Variants in DYRK1A observed in about 807,000 individuals in gnomAD.
The protein encoded by DYRK1A is dual specificity tyrosine-phosphorylation-regulated kinase 1A.
Under a neutral mutation model 79.7 loss-of-function variants are expected in DYRK1A, and 9 were observed. The observed-to-expected ratio is 0.11, with a 90% CI of 0.07 to 0.20. The LOEUF is 0.20. Among genes scored for constraint, DYRK1A ranks in the 10% least tolerant of loss-of-function variants. DYRK1A has a pLI of 1.00. For synonymous variants in DYRK1A, 349 were observed against 329.7 expected, an observed-to-expected ratio of 1.06 and a Z score of -0.63; for missense variants, 622 against 956.0, an observed-to-expected ratio of 0.65 and a Z score of 4.61.
chr21:37,387,518 G>A (rs1443875803), intron 1 of DYRK1A, among the ~76,000 whole-genome samples: 2 of 152,030 alleles, frequency 1.3e-5, no homozygotes, highest in African/African-American at 4.8e-5. Context: ...AAAAATATCC[G>A]ACAGTTGTTT....
At chr21:37,406,694 T>C (rs1171065275) in intron 1 of DYRK1A, among the ~76,000 whole-genome samples, 2 of 151,518 alleles carry the variant, frequency 1.3e-5, no homozygotes, top group Non-Finnish European at 2.9e-5. Flanking sequence ...AGAGTGAGAC[T>C]CTTGTCTCCA....
At chr21:37,504,038 T>C (rs1383256872) in intron 9 of DYRK1A, 1 of 152,226 alleles carries the variant, frequency 6.6e-6, no homozygotes, top group Non-Finnish European at 1.5e-5. Context: ...GAAAGAGGCC[T>C]CTCAACTCTG....
chr21:37,381,505 T>C (rs748734721), intron 1 of DYRK1A, among the ~76,000 whole-genome samples: 3 of 152,166 alleles, frequency 2.0e-5, no homozygotes, highest in Non-Finnish European at 2.9e-5. Context: ...GGAGCAGGTG[T>C]AAGTTGTGGA....
Position 37,479,612 on chromosome 21 carries a change from GT to G in DYRK1A, c.301-1020del, listed in dbSNP as rs367673016. ...GTGTTTTGTTTTTGTTTTTGTTTTT[GT>G]TTTTTGTTTTTTTTTTTTTTTTTGG... On this transcript the variant is annotated intron_variant, in intron 4 of 11. Coordinates refer to ENST00000647188, the MANE Select transcript of DYRK1A (RefSeq NM_001347721.2). Among the ~76,000 whole-genome samples, 358 of 47,154 alleles carry G rather than the reference GT, an allele frequency of 7.6e-3. 18 individuals carry two copies. The highest frequency in any genetic ancestry group is 0.024 in the African/African-American group (277 of 11,708). 30.9% of individuals were successfully genotyped at this position (47,154 alleles called of 152,430 possible).
At chr21:37,464,455 C>T (rs2051957148) in intron 2 of DYRK1A, among the ~76,000 whole-genome samples, 1 of 152,106 alleles carries the variant, frequency 6.6e-6, no homozygotes, top group Non-Finnish European at 1.5e-5. Flanking sequence ...TTCAGAAGCA[C>T]GTAAAGACAG....
At chr21:37,374,873 C>T (rs906649206) in intron 1 of DYRK1A, among the ~76,000 whole-genome samples, 1 of 152,204 alleles carries the variant, frequency 6.6e-6, no homozygotes, top group African/African-American at 2.4e-5. Context: ...TTCTTAAGGA[C>T]TCCAGGTAAT....
At chr21:37,510,038 A>C (rs112996123) in intron 11 of DYRK1A, among the ~76,000 whole-genome samples, 2 of 152,334 alleles carry the variant, frequency 1.3e-5, no homozygotes, top group African/African-American at 4.8e-5. Flanking sequence ...ATCAAAAAAC[A>C]TAGTATATAG....
intron 1 of DYRK1A, among the ~76,000 whole-genome samples, chr21:37,400,772 G>C (rs1450764667): frequency 6.6e-6 from 1 of 152,182 alleles, no homozygotes; most frequent in East Asian, 1.9e-4. Flanking sequence ...TTTATTGACT[G>C]AGAAAGTGCA....
rs1276067629 is a variant in DYRK1A, at chr21:37,522,129, G to A, written c.*9598G>A. 2 of 152,142 alleles carry A rather than the reference G, an allele frequency of 1.3e-5. No individual in the cohort carries two copies. The highest frequency in any genetic ancestry group is 2.9e-5 in the Non-Finnish European group (2 of 68,034). The allele number at this position is 152,142 out of a possible 1,614,324, so 9.4% of individuals were successfully genotyped here. A position where few individuals can be genotyped will look rare whatever the true frequency, so the allele number is the denominator to read the frequency against. On this transcript the variant is annotated 3_prime_UTR_variant, in exon 12 of 12. Transcript: ENST00000647188. ...TTGCAGCTTCCTCAGCCCTAGGATG[G>A]TTTTTAGATCTATCAAGGGATAGAA...
At chr21:37,374,946 G>A (rs1290087054) in intron 1 of DYRK1A, 1 of 152,192 alleles carries the variant, frequency 6.6e-6, no homozygotes, top group African/African-American at 2.4e-5. Context: ...TATTAGAGAA[G>A]GAAGTGGGTG....
chr21:37,416,678 A>G (rs531214143), intron 1 of DYRK1A, among the ~76,000 whole-genome samples: 7 of 152,268 alleles, frequency 4.6e-5, no homozygotes, highest in Middle Eastern at 3.4e-3. Context: ...AGATAATGAC[A>G]TAAGTTTAAT....
At chr21:37,374,795 C>T (rs1020714652) in intron 1 of DYRK1A, among the ~76,000 whole-genome samples, 3 of 152,120 alleles carry the variant, frequency 2.0e-5, no homozygotes, top group Non-Finnish European at 4.4e-5. Context: ...CCTCGTGATC[C>T]GCCTGCCTTG....
At chr21:37,416,289 T>A (rs1479475748) in intron 1 of DYRK1A, among the ~76,000 whole-genome samples, 1 of 151,742 alleles carries the variant, frequency 6.6e-6, no homozygotes, top group Non-Finnish European at 1.5e-5. Flanking sequence ...TGCAATATTA[T>A]ATTCTTTATA....
At chr21:37,491,908 G>A (rs2053109362) in intron 7 of DYRK1A, among the ~76,000 whole-genome samples, 2 of 152,142 alleles carry the variant, frequency 1.3e-5, no homozygotes, top group Admixed American at 6.5e-5. Flanking sequence ...CATCACATGG[G>A]AAGTTATTTC....
chr21:37,474,670 A>C (rs1359802035), intron 3 of DYRK1A, among the ~76,000 whole-genome samples: 1 of 152,220 alleles, frequency 6.6e-6, no homozygotes, highest in Non-Finnish European at 1.5e-5. Flanking sequence ...CAACACATAC[A>C]AAGTACCTTT....
rs560745650 is a variant in DYRK1A, at chr21:37,394,249, T to A, written c.-76-26050T>A. Among the ~76,000 whole-genome samples, 63 of 151,790 alleles carry A rather than the reference T, an allele frequency of 4.2e-4. No homozygotes were observed. In the South Asian group the frequency reaches 7.9e-3, roughly 19 times the overall value. On this transcript the variant is annotated intron_variant, in intron 1 of 11. Transcript: ENST00000647188. Reference sequence around the variant, plus strand: ...CCCTTTTTTTTTTTTCTAATTTTTTTAAATTTTATTATTATTATGCTTTAA... The same window carrying A: ...CCCTTTTTTTTTTTTCTAATTTTTTAAAATTTTATTATTATTATGCTTTAA...
intron 1 of DYRK1A, among the ~76,000 whole-genome samples, chr21:37,409,968 A>G (rs1350670815): frequency 2.0e-5 from 3 of 152,222 alleles, no homozygotes; most frequent in Non-Finnish European, 2.9e-5. Flanking sequence ...TTGTATATAC[A>G]TTTTGTATAT....
chr21:37,492,995 A>T (rs755405873), intron 7 of DYRK1A, 22 bp from the exon 8 acceptor site: 3 of 1,564,838 alleles, frequency 1.9e-6, no homozygotes, highest in Non-Finnish European at 8.8e-7. Context: ...TTGAAGTAAT[A>T]CTATTTTGAA....
intron 2 of DYRK1A, among the ~76,000 whole-genome samples, chr21:37,449,085 C>T (rs2051362951): frequency 6.6e-6 from 1 of 152,164 alleles, no homozygotes; most frequent in South Asian, 2.1e-4. Flanking sequence ...AAAGTCTACT[C>T]TCTCAAAAAC....
Sources: allele counts gnomAD v4.1 joint callset (sites outside exome capture counted in the v4.1 genomes callset), GRCh38; gene constraint gnomAD v4.1.1; transcripts MANE v1.5; gene names NCBI Gene and HGNC (gene_info 2026-07-23, HGNC 2026-07-21).